The following DCTN5 variants were observed in gnomAD, a reference collection of about 807,000 sequenced individuals.
DCTN5 encodes dynactin subunit 5.
Under a neutral mutation model 23.5 loss-of-function variants are expected in DCTN5, and 14 were observed. The ratio of observed to expected loss-of-function variants is 0.60; its 90% CI spans 0.39 to 0.93. DCTN5 has a LOEUF of 0.93. Ranked by LOEUF, DCTN5 falls within the 40% of genes least tolerant of loss-of-function variation. DCTN5 has a pLI of 0.00. For synonymous variants in DCTN5, 67 were observed against 79.6 expected, an observed-to-expected ratio of 0.84 and a Z score of 0.84; for missense variants, 156 against 225.9, an observed-to-expected ratio of 0.69 and a Z score of 1.98.
chr16:23,665,707 A>G lies in DCTN5; in HGVS notation c.430A>G (p.Thr144Ala). Residue 144 changes from threonine (T) to alanine (A), a missense_variant, in exon 5 of 6, where the codon ACT becomes GCT. This residue lies in a region of DCTN5 where 153 missense variants were observed against 206.8 expected (regional missense o/e 0.74). Transcript: ENST00000300087. ...LPPETVVPPF[T>A]VFSGCPGLFS... ...TCCAGAAACTGTGGTTCCACCATTC[A>G]CTGTCTTCTCAGGCTGCCCAGGTAA... is the stretch of plus-strand genomic sequence containing the variant. 1 of 1,614,062 alleles carries G rather than the reference A, an allele frequency of 6.2e-7. No individual in the cohort carries two copies. The highest frequency in any genetic ancestry group is 2.2e-5 in the East Asian group (1 of 44,882).
Position 23,641,609 on chromosome 16 carries a change from G to C in DCTN5, c.48+19G>C. 6.8e-6 allele frequency: 11 copies of C among 1,613,814 alleles called. No homozygotes were observed. Among genetic ancestry groups the C allele is most frequent in the Non-Finnish European group, 9.3e-6 (11 of 1,179,792 alleles). Reference sequence around the variant, plus strand: ...CGAGACGGTGCGCGGGTCCAGATATGTATCCTCCTCTTTCCAACCCTGCGT... The same window carrying C: ...CGAGACGGTGCGCGGGTCCAGATATCTATCCTCCTCTTTCCAACCCTGCGT... On this transcript the variant is annotated intron_variant, in intron 1 of 5. Transcript: ENST00000300087.
Position 23,661,235 on chromosome 16 carries a change from C to T in DCTN5, c.302C>T (p.Ala101Val). 6.2e-7 allele frequency: 1 copy of T among 1,613,382 alleles called. No individual in the cohort carries two copies. Residue 101 changes from alanine to valine, a missense_variant, in exon 4 of 6, where the codon GCA (alanine) becomes GTA (valine). Around this residue, in one of 2 missense-constraint regions of DCTN5, gnomAD observed 153 missense variants for 206.8 expected, o/e 0.74. Transcript: ENST00000300087. ...VFIEEDCVVN[A>V]AQIGSYVHVG... ...ATTGAGGAAGATTGTGTGGTCAACGCAGCACAGATTGGTTCCTATGTTCAT... is the reference window on the plus strand; with the variant it reads ...ATTGAGGAAGATTGTGTGGTCAACGTAGCACAGATTGGTTCCTATGTTCAT...
In DCTN5 at chr16:23,661,294, A is replaced by C. The variant is rs1967805679; in HGVS notation, c.348+13A>C. 3 of 1,593,980 alleles carry C rather than the reference A, an allele frequency of 1.9e-6. No homozygotes were observed. Among genetic ancestry groups the C allele is most frequent in the South Asian group, 2.3e-5 (2 of 88,594 alleles). ...GAACTGTGTGATTGTGAGTATGATG[A>C]CTTGGCTGGCAAAGCAGCTTCACTT... On this transcript the variant is annotated intron_variant, in intron 4 of 5. Transcript: ENST00000300087.
At chr16:23,643,393 A>G (rs1967352899) in intron 2 of DCTN5, among the ~76,000 whole-genome samples, 1 of 151,692 alleles carries the variant, frequency 6.6e-6, no homozygotes, top group African/African-American at 2.4e-5. Flanking sequence ...GGGTTTCATC[A>G]TGTTGGCCAG....
chr16:23,665,933 A>G, intron 5 of DCTN5: 3 of 567,566 alleles, frequency 5.3e-6, no homozygotes, highest in Non-Finnish European at 9.3e-6. Flanking sequence ...ACCAGAAAAT[A>G]AGGAAATTAT....
At chr16:23,646,336 T>C (rs1188651074) in intron 2 of DCTN5, among the ~76,000 whole-genome samples, 1 of 152,210 alleles carries the variant, frequency 6.6e-6, no homozygotes, top group African/African-American at 2.4e-5. Context: ...TATTAAACAC[T>C]TATCAGATAT....
chr16:23,665,987 T>C, intron 5 of DCTN5: 1 of 481,262 alleles, frequency 2.1e-6, no homozygotes, highest in Non-Finnish European at 3.7e-6. Flanking sequence ...AGCTGTGAGA[T>C]TGCACGGGTT....
rs1446890541 is a variant in DCTN5 at position 23,658,505 on chromosome 16, A to G, written c.118-2A>G. ...TTTTTTAAAATTTGCTTCGTCTTAC[A>G]GACCATTGTGATGAATGACTGTATT... On this transcript the variant is annotated splice_acceptor_variant, in intron 2 of 5. Coordinates refer to ENST00000300087, the MANE Select transcript of DCTN5 (RefSeq NM_032486.4). LOFTEE classifies it high-confidence loss of function. 2.5e-6 allele frequency: 4 copies of G among 1,611,740 alleles called. No individual in the cohort carries two copies. Among genetic ancestry groups the G allele is most frequent in the Admixed American group, 3.3e-5 (2 of 60,008 alleles).
chr16:23,643,099 A>C, intron 2 of DCTN5, 76 bp downstream of exon 2: 1 of 1,202,734 alleles, frequency 8.3e-7, no homozygotes, highest in Non-Finnish European at 1.2e-6. Flanking sequence ...AGGGCAGATA[A>C]AATGTTGCCA....
chr16:23,649,126 G>GC (rs1967542888), intron 2 of DCTN5, among the ~76,000 whole-genome samples: 1 of 152,146 alleles, frequency 6.6e-6, no homozygotes, highest in Non-Finnish European at 1.5e-5. Flanking sequence ...CTCCCAAAAT[G>GC]CTGGGATTAC....
chr16:23,642,081 G>A (rs1340545822), intron 1 of DCTN5, among the ~76,000 whole-genome samples: 3 of 152,008 alleles, frequency 2.0e-5, no homozygotes, highest in Non-Finnish European at 2.9e-5. Flanking sequence ...ACAGGCGCCC[G>A]CCACCACGCC....
At chr16:23,662,765 G>C (rs1440082734) in intron 4 of DCTN5, among the ~76,000 whole-genome samples, 1 of 152,198 alleles carries the variant, frequency 6.6e-6, no homozygotes, top group African/African-American at 2.4e-5. Flanking sequence ...CCTTCCAGCT[G>C]GGGGTTTCTG....
At chr16:23,648,889 G>A (rs527660284) in intron 2 of DCTN5, among the ~76,000 whole-genome samples, 19 of 151,784 alleles carry the variant, frequency 1.3e-4, no homozygotes, top group Non-Finnish European at 2.2e-4. Flanking sequence ...ACAGAATCCC[G>A]CTCCATTGCC....
At chr16:23,655,322 C>T (rs990989974) in intron 2 of DCTN5, among the ~76,000 whole-genome samples, 24 of 152,166 alleles carry the variant, frequency 1.6e-4, no homozygotes, top group Admixed American at 3.9e-4. Flanking sequence ...CTTGTAAACT[C>T]AAGTCCTAGT....
chr16:23,666,791 A>C (rs1196564409), intron 5 of DCTN5: 3 of 520,158 alleles, frequency 5.8e-6, no homozygotes, highest in African/African-American at 5.7e-5. Flanking sequence ...GCATTTGGCC[A>C]TTCTACCGTG....
At chr16:23,648,844 A>G (rs1248477771) in intron 2 of DCTN5, among the ~76,000 whole-genome samples, 1 of 145,332 alleles carries the variant, frequency 6.9e-6, no homozygotes, top group Non-Finnish European at 1.5e-5. Flanking sequence ...GCCCTTCCCT[A>G]TGATTAGTGA....
At chr16:23,655,532 T>C (rs1291022270) in intron 2 of DCTN5, among the ~76,000 whole-genome samples, 2 of 151,818 alleles carry the variant, frequency 1.3e-5, no homozygotes, top group East Asian at 3.9e-4. Context: ...CGTGCCACCA[T>C]GCCCTGCTTA....
rs1959219890 is a variant in DCTN5, at chr16:23,675,965, C to T, written c.*8821C>T. 1 of 152,020 alleles carries T rather than the reference C, an allele frequency of 6.6e-6. No homozygotes were observed. Among genetic ancestry groups the T allele is most frequent in the Non-Finnish European group, 1.5e-5 (1 of 67,994 alleles). The allele number at this position is 152,020 out of a possible 1,614,324, so 9.4% of individuals were successfully genotyped here. On this transcript the variant is annotated 3_prime_UTR_variant, in exon 6 of 6. Transcript: ENST00000300087. Reference sequence around the variant, plus strand: ...CTGGAAACACTTGGGCAGGAGTTCCCCTGGTAGGAGGTCTGTTCACCTGTA... The same window carrying T: ...CTGGAAACACTTGGGCAGGAGTTCCTCTGGTAGGAGGTCTGTTCACCTGTA...
intron 2 of DCTN5, among the ~76,000 whole-genome samples, chr16:23,656,283 C>G (rs780696178): frequency 3.9e-5 from 6 of 152,140 alleles, no homozygotes; most frequent in Non-Finnish European, 7.3e-5. Context: ...ATTGTAAAAA[C>G]TCCAGTACTT....
Sources: allele counts gnomAD v4.1 joint callset (sites outside exome capture counted in the v4.1 genomes callset), GRCh38; gene constraint gnomAD v4.1.1; regional missense constraint gnomAD v4.1.1; transcripts MANE v1.5; gene names NCBI Gene and HGNC (gene_info 2026-07-23, HGNC 2026-07-21).